LRRC37A: variants seen among roughly 807,000 people sequenced by gnomAD.
The protein encoded by LRRC37A is leucine-rich repeat-containing protein 37A.
In LRRC37A, 3 loss-of-function variants were observed where a neutral mutation model predicts 35.4. That is an observed-to-expected ratio of 0.08 (90% CI 0.04 to 0.22). The LOEUF is 0.22. Ranked by LOEUF, LRRC37A falls within the 10% of genes least tolerant of loss-of-function variation. The probability of loss-of-function intolerance (pLI) is 1.00; values close to 1 mark genes in which losing one functional copy is unlikely to be tolerated. For missense variants in LRRC37A, 67 were observed against 565.3 expected (o/e 0.12, Z 8.94); for synonymous variants, 23 against 215.0 (o/e 0.11, Z 7.81).
intron 5 of LRRC37A, among the ~76,000 whole-genome samples, chr17:46,312,748 A>T (rs1345658023): frequency 1.5e-5 from 1 of 67,414 alleles, no homozygotes; most frequent in Non-Finnish European, 2.9e-5. Flanking sequence ...TTAAAGCCCT[A>T]GTTTGAGAAT....
Position 46,333,517 on chromosome 17 carries a change from T to C in LRRC37A, c.4809+861T>C, listed in dbSNP as rs1290645199. 4.7e-5 allele frequency among the ~76,000 whole-genome samples: 2 copies of C among 42,828 alleles called. 1 individual carries two copies. Among genetic ancestry groups the C allele is most frequent in the East Asian group, 5.7e-4 (2 of 3,508 alleles). The allele number at this position is 42,828 out of a possible 152,430, so 28.1% of individuals were successfully genotyped here. A position where few individuals can be genotyped will look rare whatever the true frequency, so the allele number is the denominator to read the frequency against. On this transcript the variant is annotated intron_variant, in intron 10 of 13. Transcript: ENST00000320254. ...AATAAAGCTGGCAACCTTGACGCTA[T>C]GCTACCAGTCCAACCTTACTTGCCT... is the stretch of plus-strand genomic sequence containing the variant.
the LRRC37A span, among the ~76,000 whole-genome samples, chr17:46,248,911 T>A: frequency 6.6e-6 from 1 of 151,796 alleles, no homozygotes; most frequent in African/African-American, 2.4e-5. Context: ...AGGTTCCTCA[T>A]CCATGGATTC....
At chr17:46,270,227 C>G in the LRRC37A span, among the ~76,000 whole-genome samples, 1 of 152,202 alleles carries the variant, frequency 6.6e-6, no homozygotes, top group South Asian at 2.1e-4. Context: ...TGACGCTGTC[C>G]ATGGCACCCA....
At chr17:46,285,704 T>C in the LRRC37A span, among the ~76,000 whole-genome samples, 1 of 152,230 alleles carries the variant, frequency 6.6e-6, no homozygotes, top group African/African-American at 2.4e-5. Flanking sequence ...GGGGATATGG[T>C]AAAGCTCATG....
chr17:46,259,019 A>ATTCTTTTTTTTTTT, the LRRC37A span, among the ~76,000 whole-genome samples: 1 of 79,468 alleles, frequency 1.3e-5, no homozygotes, highest in Non-Finnish European at 2.2e-5. Flanking sequence ...CACCCGGCCT[A>ATTCTTTTTTTTTTT]TTTTTTTTTT....
At chr17:46,276,520 TA>T in the LRRC37A span, among the ~76,000 whole-genome samples, 1 of 152,150 alleles carries the variant, frequency 6.6e-6, no homozygotes, top group African/African-American at 2.4e-5. Flanking sequence ...TCACAATCCG[TA>T]AGAAAAGAAA....
the LRRC37A span, among the ~76,000 whole-genome samples, chr17:46,283,907 G>A: frequency 6.6e-6 from 1 of 152,214 alleles, no homozygotes; most frequent in African/African-American, 2.4e-5. Context: ...ACAAGGTAAA[G>A]AATTAAGTGC....
At chr17:46,325,024 TG>T (rs1274452463) in intron 7 of LRRC37A, among the ~76,000 whole-genome samples, 2 of 76,206 alleles carry the variant, frequency 2.6e-5, no homozygotes, top group Non-Finnish European at 7.7e-5. Flanking sequence ...AAGATTAGCA[TG>T]GAAAGGGCCC....
chr17:46,248,735 G>A, the LRRC37A span, among the ~76,000 whole-genome samples: 9 of 152,118 alleles, frequency 5.9e-5, no homozygotes, highest in Middle Eastern at 3.4e-3. Context: ...GGCCAGGCTG[G>A]TTTGGAAGTC....
the LRRC37A span, among the ~76,000 whole-genome samples, chr17:46,284,455 G>A: frequency 1.3e-5 from 2 of 152,250 alleles, no homozygotes. Flanking sequence ...TTGGGGGTAA[G>A]GTTATAAATT....
At chr17:46,250,496 G>A in the LRRC37A span, among the ~76,000 whole-genome samples, 3 of 152,208 alleles carry the variant, frequency 2.0e-5, no homozygotes, top group Non-Finnish European at 2.9e-5. Context: ...CTGCCAGCAA[G>A]GCTAGAATAT....
chr17:46,254,289 C>T, the LRRC37A span, among the ~76,000 whole-genome samples: 1 of 152,022 alleles, frequency 6.6e-6, no homozygotes, highest in East Asian at 1.9e-4. Context: ...GCCAGGGACC[C>T]GGGACTCAGT....
At chr17:46,278,046 A>G in the LRRC37A span, among the ~76,000 whole-genome samples, 9 of 152,116 alleles carry the variant, frequency 5.9e-5, no homozygotes, top group Non-Finnish European at 8.8e-5. Flanking sequence ...CCCACGTTCA[A>G]GTGATTCTTC....
chr17:46,286,286 T>G, the LRRC37A span, among the ~76,000 whole-genome samples: 1 of 152,222 alleles, frequency 6.6e-6, no homozygotes, highest in African/African-American at 2.4e-5. Context: ...GTAAAAAAAT[T>G]TATAAGAACA....
At chr17:46,275,371 C>T in the LRRC37A span, 1 of 1,002,230 alleles carries the variant, frequency 1.0e-6, no homozygotes, top group African/African-American at 1.7e-5. Context: ...GTTAGGTTAA[C>T]ATGCTGAACT....
chr17:46,259,053 T>TTTTTTTTTTTTTTC, the LRRC37A span, among the ~76,000 whole-genome samples: 1 of 135,142 alleles, frequency 7.4e-6, no homozygotes, highest in Non-Finnish European at 1.5e-5. Context: ...TTTTTTTTTT[T>TTTTTTTTTTTTTTC]ACTAACCAGG....
At chr17:46,265,789 C>A in the LRRC37A span, among the ~76,000 whole-genome samples, 1 of 152,208 alleles carries the variant, frequency 6.6e-6, no homozygotes, top group African/African-American at 2.4e-5. Flanking sequence ...CAACAGGCAA[C>A]CTTCTGATTA....
At chr17:46,264,328 C>T in the LRRC37A span, among the ~76,000 whole-genome samples, 1 of 152,188 alleles carries the variant, frequency 6.6e-6, no homozygotes, top group African/African-American at 2.4e-5. Flanking sequence ...CAGAAACATA[C>T]ACTCAAAATA....
chr17:46,267,598 G>T, the LRRC37A span: 2 of 1,593,828 alleles, frequency 1.3e-6, no homozygotes, highest in Non-Finnish European at 8.6e-7. Flanking sequence ...CCCGGGCTGT[G>T]GGTCGTCCAG....
Sources: gnomAD v4.1 joint callset for allele counts (sites outside exome capture counted in the v4.1 genomes callset) on GRCh38, gnomAD v4.1.1 for gene constraint, MANE v1.5 for transcripts, NCBI Gene and HGNC (gene_info 2026-07-23, HGNC 2026-07-21) for gene names.